The following SNX14 variants were observed in gnomAD, a reference collection of about 807,000 sequenced individuals.
SNX14 encodes the protein sorting nexin 14, also known as sorting nexin-14.
SNX14 carries 93 observed loss-of-function variants against 133.8 expected under a neutral mutation model. The observed-to-expected ratio is 0.70, with a 90% confidence interval of 0.59 to 0.83. The LOEUF is 0.83. Among genes scored for constraint, SNX14 ranks in the 40% least tolerant of loss-of-function variants. SNX14 has a pLI of 0.00. For missense variants in SNX14, 945 were observed against 1,094.9 expected, an observed-to-expected ratio of 0.86 and a Z score of 1.93; for synonymous variants, 368 against 365.6, an observed-to-expected ratio of 1.01 and a Z score of -0.07.
chr6:85,507,073 G>T (rs539835328), intron 28 of SNX14, 160 bp downstream of exon 28: 5 of 642,980 alleles, frequency 7.8e-6, no homozygotes, highest in South Asian at 3.7e-5. Context: ...GTTTGGGCAT[G>T]TTTAATAAAG....
At chr6:85,562,582 C>CT (rs201175458) in intron 6 of SNX14, among the ~76,000 whole-genome samples, 46,675 of 94,222 alleles carry the variant, frequency 0.5, 13,336 homozygotes, top group African/African-American at 0.65. Context: ...ACTTTTTGGG[C>CT]TTTTTTTTTT....
Position 85,572,213 on chromosome 6 carries a change from G to T in SNX14, c.341C>A (p.Pro114His). The change falls in exon 4 of 29, where the codon CCT becomes CAT. Residue 114 changes from proline to histidine, a missense_variant and splice_region_variant. Transcript: ENST00000314673. Reference sequence around the variant, plus strand: ...CTGGTAGTTTTCAAGTAGCAAAGAAGGCCTAAAGAAAAATTATACAACTAA... The same window carrying T: ...CTGGTAGTTTTCAAGTAGCAAAGAATGCCTAAAGAAAAATTATACAACTAA... Reference protein sequence around the residue: ...CGKVKCKRHRPSLLLENYQPW... With the variant: ...CGKVKCKRHRHSLLLENYQPW... 6.2e-7 allele frequency: 1 copy of T among 1,613,430 alleles called. No homozygotes were observed. Among genetic ancestry groups the T allele is most frequent in the Non-Finnish European group, 8.5e-7 (1 of 1,179,762 alleles).
At chr6:85,553,136 G>A (rs1357282381) in intron 7 of SNX14, among the ~76,000 whole-genome samples, 1 of 152,166 alleles carries the variant, frequency 6.6e-6, no homozygotes, top group East Asian at 1.9e-4. Flanking sequence ...AATGCCTCAC[G>A]TTCCCTTGCT....
intron 26 of SNX14, among the ~76,000 whole-genome samples, chr6:85,512,166 T>C (rs1773081180): frequency 6.6e-6 from 1 of 152,144 alleles, no homozygotes; most frequent in Non-Finnish European, 1.5e-5. Flanking sequence ...CAGGCTCTGG[T>C]CACTTTCTAC....
chr6:85,513,897 TA>T lies in SNX14; in HGVS notation c.2558-3del. The T allele has an allele frequency of 1.3e-6, 2 of 1,599,368 alleles. No homozygotes were observed. The highest frequency in any genetic ancestry group is 1.7e-6 in the Non-Finnish European group (2 of 1,174,360). ...CAGTGTTTTCACAGAATATAGCATC[TA>T]AAAAAGAGTAAAAAGAAATATTTCT... is the stretch of plus-strand genomic sequence containing the variant. On this transcript the variant is annotated splice_polypyrimidine_tract_variant and splice_region_variant and intron_variant, in intron 25 of 28. Coordinates refer to ENST00000314673, the MANE Select transcript of SNX14 (RefSeq NM_153816.6).
intron 1 of SNX14, among the ~76,000 whole-genome samples, chr6:85,587,220 A>T (rs1303346908): frequency 1.3e-5 from 2 of 151,638 alleles, no homozygotes; most frequent in Non-Finnish European, 2.9e-5. Context: ...AAAAAAAAAT[A>T]TGGCAAAATA....
At chr6:85,516,513 T>A (rs928420325) in intron 23 of SNX14, among the ~76,000 whole-genome samples, 1 of 151,808 alleles carries the variant, frequency 6.6e-6, no homozygotes, top group Admixed American at 6.6e-5. Flanking sequence ...TTATAAAAAG[T>A]CTACCAAAAA....
At chr6:85,506,107 T>G in intron 28 of SNX14, 102 bp from the exon 29 acceptor site, 1 of 754,306 alleles carries the variant, frequency 1.3e-6, no homozygotes, top group South Asian at 1.5e-5. Context: ...AAGACATATA[T>G]ATTGTAAACC....
intron 18 of SNX14, 145 bp downstream of exon 18, chr6:85,533,454 T>G: frequency 1.4e-6 from 1 of 718,920 alleles, no homozygotes; most frequent in Non-Finnish European, 2.3e-6. Context: ...TCCTAAGCTT[T>G]CTTTCAATTT....
At chr6:85,549,301 C>G (rs1462240007) in intron 8 of SNX14, among the ~76,000 whole-genome samples, 1 of 152,016 alleles carries the variant, frequency 6.6e-6, no homozygotes, top group African/African-American at 2.4e-5. Context: ...AAAGGGAGAA[C>G]AGACTAGATG....
chr6:85,550,609 C>T (rs1292628712), intron 7 of SNX14, among the ~76,000 whole-genome samples: 2 of 152,026 alleles, frequency 1.3e-5, no homozygotes, highest in Admixed American at 6.6e-5. Context: ...AGTGATCCTC[C>T]GACTTGAGCC....
intron 17 of SNX14, among the ~76,000 whole-genome samples, chr6:85,534,094 G>A (rs1781081670): frequency 6.6e-6 from 1 of 152,142 alleles, no homozygotes; most frequent in South Asian, 2.1e-4. Context: ...GATTGCTTGG[G>A]CCCAGGAGTT....
At chr6:85,534,589 T>C (rs945950019) in intron 17 of SNX14, among the ~76,000 whole-genome samples, 1 of 152,142 alleles carries the variant, frequency 6.6e-6, no homozygotes, top group African/African-American at 2.4e-5. Context: ...CTTCCTTGGG[T>C]CACTATAAAA....
intron 6 of SNX14, among the ~76,000 whole-genome samples, chr6:85,564,369 C>CT (rs1411816357): frequency 6.6e-6 from 1 of 152,204 alleles, no homozygotes; most frequent in African/African-American, 2.4e-5. Context: ...AATGGTTGAA[C>CT]TAGTTTACAG....
chr6:85,536,276 T>C (rs551130588), intron 17 of SNX14, among the ~76,000 whole-genome samples: 1 of 152,332 alleles, frequency 6.6e-6, no homozygotes, highest in Admixed American at 6.5e-5. Context: ...GTAAAATGTT[T>C]ATATAAGTCA....
chr6:85,565,072 G>A (rs2073698708), intron 6 of SNX14, among the ~76,000 whole-genome samples: 1 of 151,360 alleles, frequency 6.6e-6, no homozygotes, highest in African/African-American at 2.4e-5. Flanking sequence ...AGAGCAGGGT[G>A]AGTATAGTCA....
intron 1 of SNX14, among the ~76,000 whole-genome samples, chr6:85,578,813 G>A (rs1053708273): frequency 7.2e-5 from 11 of 152,140 alleles, no homozygotes; most frequent in African/African-American, 1.9e-4. Flanking sequence ...AGTTGACACT[G>A]GTGAGTAAGT....
Position 85,547,348 on chromosome 6 carries a change from T to C in SNX14, c.962A>G (p.Lys321Arg). The change falls in exon 11 of 29, where the codon AAA (lysine) becomes AGA (arginine). Residue 321 changes from lysine to arginine, a missense_variant. By Grantham distance (26) the Lys-to-Arg change is conservative (BLOSUM62 2). Coordinates refer to ENST00000314673, the MANE Select transcript of SNX14 (RefSeq NM_153816.6). Reference sequence around the variant, plus strand: ...CTTTTTATTTCTAGGTTCTGCAAATTTCTGCAAGAATGGAACCAAAGGAGA... The same window carrying C: ...CTTTTTATTTCTAGGTTCTGCAAATCTCTGCAAGAATGGAACCAAAGGAGA... ...PASPLVPFLQ[K>R]FAEPRNKKPS... The C allele has an allele frequency of 6.2e-7, 1 of 1,613,786 alleles. No homozygotes were observed. Among genetic ancestry groups the C allele is most frequent in the Non-Finnish European group, 8.5e-7 (1 of 1,179,974 alleles).
At chr6:85,533,951 T>A in intron 17 of SNX14, 151 bp from the exon 18 acceptor site, 1 of 679,888 alleles carries the variant, frequency 1.5e-6, no homozygotes, top group Non-Finnish European at 2.4e-6. Flanking sequence ...ACTGAAAAAG[T>A]AAAGGTAAAA....
Sources: allele counts gnomAD v4.1 joint callset (sites outside exome capture counted in the v4.1 genomes callset), GRCh38; gene constraint gnomAD v4.1.1; transcripts MANE v1.5; gene names NCBI Gene and HGNC (gene_info 2026-07-23, HGNC 2026-07-21).